FAT3: variants seen among roughly 807,000 people sequenced by gnomAD.
The protein encoded by FAT3 is protocadherin Fat 3.
A neutral mutation model predicts 310.2 loss-of-function variants in FAT3; 95 were observed. The observed-to-expected ratio is 0.31, with a 90% confidence interval of 0.26 to 0.36. FAT3 has a LOEUF of 0.36. Among genes scored for constraint, FAT3 ranks in the 10% least tolerant of loss-of-function variants. FAT3 has a pLI of 1.00. For synonymous variants in FAT3, 2,314 were observed against 2,192.9 expected (o/e 1.06, Z -1.54); for missense variants, 5,408 against 5,715.6 (o/e 0.95, Z 1.74).
chr11:92,570,588 CTAAAGA>C lies in FAT3; in HGVS notation c.3607+45641_3607+45646del, dbSNP rs1375131966. Among the ~76,000 whole-genome samples the C allele has an allele frequency of 6.6e-5, 10 of 152,228 alleles. No individual in the cohort carries two copies. In the East Asian group the frequency reaches 1.7e-3, roughly 26 times the overall value. On this transcript the variant is annotated intron_variant, in intron 3 of 27. Transcript: ENST00000525166. Reference sequence around the variant, plus strand: ...TACTGATTTTACCCATCAGAATATTCTAAAGAAAACCTATAGGTAAGATTTGGGTAT... The same window carrying C: ...TACTGATTTTACCCATCAGAATATTCAAACCTATAGGTAAGATTTGGGTAT...
At chr11:92,500,370 G>C (rs1952898630) in intron 2 of FAT3, among the ~76,000 whole-genome samples, 2 of 152,052 alleles carry the variant, frequency 1.3e-5, no homozygotes, top group South Asian at 4.1e-4. Context: ...TCTAGGAATG[G>C]TTTTGTGTTG....
chr11:92,490,745 A>C (rs955765564), intron 2 of FAT3, among the ~76,000 whole-genome samples: 1 of 152,150 alleles, frequency 6.6e-6, no homozygotes, highest in Non-Finnish European at 1.5e-5. Context: ...GTTGCAGTTT[A>C]TAAAGCATTC....
At chr11:92,435,187 G>T (rs563841481) in intron 2 of FAT3, among the ~76,000 whole-genome samples, 1 of 152,282 alleles carries the variant, frequency 6.6e-6, no homozygotes, top group South Asian at 2.1e-4. Context: ...CTGGACAGGG[G>T]CTCAGATGTT....
In FAT3 at chr11:92,774,759, C is replaced by T. The variant is rs553121597; in HGVS notation, c.4335+579C>T. ...TGGTTGTGGGGAGAGGTTAAAAGCA[C>T]CCGTGGCTGGACCCCAGCCACAGAA... On this transcript the variant is annotated intron_variant, in intron 7 of 27. Transcript: ENST00000525166. Among the ~76,000 whole-genome samples, 73 of 152,228 alleles carry T rather than the reference C, an allele frequency of 4.8e-4. 1 individual carries two copies. In the South Asian group the frequency reaches 0.015, roughly 32 times the overall value.
At chr11:92,376,939 T>C (rs1368591489) in intron 2 of FAT3, among the ~76,000 whole-genome samples, 2 of 152,206 alleles carry the variant, frequency 1.3e-5, no homozygotes, top group Non-Finnish European at 2.9e-5. Flanking sequence ...TTATTTAATA[T>C]GTCATTTTTA....
intron 13 of FAT3, among the ~76,000 whole-genome samples, chr11:92,824,056 G>A (rs1948039253): frequency 6.6e-6 from 1 of 152,142 alleles, no homozygotes; most frequent in Admixed American, 6.6e-5. Context: ...CTTAATTTAA[G>A]TATGAAAATC....
At chr11:92,868,794 T>TA (rs916752400) in intron 22 of FAT3, among the ~76,000 whole-genome samples, 1 of 152,340 alleles carries the variant, frequency 6.6e-6, no homozygotes, top group South Asian at 2.1e-4. Context: ...TTTTAATTTT[T>TA]AAAAAAATTT....
intron 1 of FAT3, among the ~76,000 whole-genome samples, chr11:92,287,315 G>A (rs1164910153): frequency 6.6e-6 from 1 of 151,992 alleles, no homozygotes; most frequent in Non-Finnish European, 1.5e-5. Flanking sequence ...AATTCTTTTG[G>A]CAGAAGATCG....
intron 3 of FAT3, among the ~76,000 whole-genome samples, chr11:92,678,889 G>T (rs1013767472): frequency 6.6e-6 from 1 of 151,794 alleles, no homozygotes; most frequent in African/African-American, 2.4e-5. Flanking sequence ...TGGCTTTTAG[G>T]GTCTATCCAT....
At chr11:92,660,039 C>G (rs1225435516) in intron 3 of FAT3, among the ~76,000 whole-genome samples, 1 of 151,892 alleles carries the variant, frequency 6.6e-6, no homozygotes, top group African/African-American at 2.4e-5. Context: ...AGGAGAAACT[C>G]GAGAGTAAAA....
intron 3 of FAT3, among the ~76,000 whole-genome samples, chr11:92,621,433 C>A (rs2135669362): frequency 6.6e-6 from 1 of 152,274 alleles, no homozygotes; most frequent in South Asian, 2.1e-4. Flanking sequence ...GTATTTCATC[C>A]CCAGCTCCTC....
intron 4 of FAT3, among the ~76,000 whole-genome samples, chr11:92,752,291 G>T (rs950021949): frequency 6.6e-6 from 1 of 152,240 alleles, no homozygotes; most frequent in Admixed American, 6.5e-5. Context: ...AAAACTGCCA[G>T]GTTTAAAACA....
intron 1 of FAT3, among the ~76,000 whole-genome samples, chr11:92,295,718 C>A (rs1471657913): frequency 6.6e-6 from 1 of 152,018 alleles, no homozygotes; most frequent in Non-Finnish European, 1.5e-5. Flanking sequence ...TGTTTTTCAG[C>A]AAAAGCCTGG....
chr11:92,690,819 G>T lies in FAT3; in HGVS notation c.3608-6565G>T, dbSNP rs553266791. 3.9e-3 allele frequency among the ~76,000 whole-genome samples: 598 copies of T among 152,268 alleles called. 2 individuals carry two copies. Among genetic ancestry groups the T allele is most frequent in the Non-Finnish European group, 6.7e-3 (455 of 68,024 alleles). On this transcript the variant is annotated intron_variant, in intron 3 of 27. Transcript: ENST00000525166. ...ATATTTTAATGCTTCTTAATGGGCT[G>T]AAGGGAAAGAGGTGGAAATAGGGGT...
At chr11:92,807,945 G>A (rs967371302) in intron 12 of FAT3, among the ~76,000 whole-genome samples, 3 of 152,096 alleles carry the variant, frequency 2.0e-5, no homozygotes, top group Non-Finnish European at 4.4e-5. Flanking sequence ...GTGTTGTGTT[G>A]GTTCTAGTGA....
intron 27 of FAT3, 137 bp downstream of exon 27, chr11:92,890,028 G>A (rs1949881026): frequency 2.8e-6 from 2 of 706,940 alleles, no homozygotes; most frequent in South Asian, 1.5e-5. Flanking sequence ...CAGTATTGGA[G>A]GTGAAAGCTC....
chr11:92,345,504 C>T (rs74724249), intron 1 of FAT3, among the ~76,000 whole-genome samples: 5,135 of 152,188 alleles, frequency 0.034, 251 homozygotes, highest in African/African-American at 0.1. Flanking sequence ...GGCCCCACCC[C>T]GGATCAACAG....
intron 1 of FAT3, among the ~76,000 whole-genome samples, chr11:92,258,051 G>A (rs1163577964): frequency 6.6e-6 from 1 of 152,038 alleles, no homozygotes; most frequent in African/African-American, 2.4e-5. Context: ...CTGTTTTAAT[G>A]TAATTTACTA....
intron 3 of FAT3, among the ~76,000 whole-genome samples, chr11:92,558,668 T>C (rs1198283097): frequency 6.6e-6 from 1 of 152,130 alleles, no homozygotes; most frequent in African/African-American, 2.4e-5. Flanking sequence ...ACAAAATTGT[T>C]TGTGTAGTGT....
Sources: gnomAD v4.1 joint callset for allele counts (sites outside exome capture counted in the v4.1 genomes callset) on GRCh38, gnomAD v4.1.1 for gene constraint, MANE v1.5 for transcripts, NCBI Gene and HGNC (gene_info 2026-07-23, HGNC 2026-07-21) for gene names.